FXR1: variants seen among roughly 807,000 people sequenced by gnomAD.
FXR1 encodes FMR1 autosomal homolog 1.
Under a neutral mutation model 84.0 loss-of-function variants are expected in FXR1, and 15 were observed. That is an observed-to-expected ratio of 0.18 (90% confidence interval 0.12 to 0.27). The LOEUF (loss-of-function observed/expected upper bound fraction) is 0.27. FXR1 is among the 10% of genes least tolerant of loss of function. The pLI, the probability that FXR1 is intolerant of heterozygous loss-of-function variation, is 1.00. For missense variants in FXR1, 480 were observed against 774.4 expected (o/e 0.62, Z 4.51); for synonymous variants, 245 against 250.7 (o/e 0.98, Z 0.21).
intron 1 of FXR1, among the ~76,000 whole-genome samples, chr3:180,923,507 A>G (rs1010268145): frequency 2.0e-5 from 3 of 151,708 alleles, no homozygotes; most frequent in African/African-American, 7.3e-5. Flanking sequence ...TCATTTAGTG[A>G]GGCTTTTTTT....
intron 9 of FXR1, among the ~76,000 whole-genome samples, chr3:180,956,466 C>T (rs1483203456): frequency 6.6e-6 from 1 of 152,156 alleles, no homozygotes; most frequent in African/African-American, 2.4e-5. Context: ...GATGGATGAT[C>T]ACTCAAAACT....
intron 3 of FXR1, among the ~76,000 whole-genome samples, chr3:180,937,963 A>G (rs956265480): frequency 2.0e-5 from 3 of 152,134 alleles, no homozygotes; most frequent in African/African-American, 7.2e-5. Context: ...TGTATAAAGG[A>G]CATATTTAAG....
intron 3 of FXR1, among the ~76,000 whole-genome samples, chr3:180,942,377 C>CA (rs765066164): frequency 0.21 from 6,575 of 31,000 alleles, 2,053 homozygotes; most frequent in African/African-American, 0.42. Context: ...GACTCCGTCT[C>CA]AAAAAAAAAA....
rs3026192 is a variant in FXR1 at position 180,937,962 on chromosome 3, G to A, written c.198+2731G>A. 8.6e-3 allele frequency among the ~76,000 whole-genome samples: 1,312 copies of A among 151,960 alleles called. 8 individuals are homozygous for A. Among genetic ancestry groups the A allele is most frequent in the Non-Finnish European group, 0.013 (854 of 67,950 alleles). On this transcript the variant is annotated intron_variant, in intron 3 of 16. Transcript: ENST00000357559. ...AAGTTTTTTATTTGCATGTATAAAG[G>A]ACATATTTAAGTTGAAAAAAAATTG...
At chr3:180,916,499 C>T (rs1235077834) in intron 1 of FXR1, among the ~76,000 whole-genome samples, 2 of 152,136 alleles carry the variant, frequency 1.3e-5, no homozygotes, top group Admixed American at 1.3e-4. Context: ...CCTCCACCTC[C>T]CAGGTTCAAG....
intron 2 of FXR1, among the ~76,000 whole-genome samples, 164 bp from the exon 3 acceptor site, chr3:180,934,974 G>C (rs1424866428): frequency 6.6e-6 from 1 of 152,102 alleles, no homozygotes; most frequent in African/African-American, 2.4e-5. Context: ...TACAAAATCT[G>C]TTCTACTTCA....
intron 15 of FXR1, chr3:180,971,849 T>TATTC (rs1173833439): frequency 2.6e-5 from 4 of 152,640 alleles, no homozygotes; most frequent in African/African-American, 9.7e-5. Flanking sequence ...ATCACATGTA[T>TATTC]ATTCACAATG....
At chr3:180,920,563 G>A (rs544488757) in intron 1 of FXR1, among the ~76,000 whole-genome samples, 3 of 149,984 alleles carry the variant, frequency 2.0e-5, no homozygotes, top group Non-Finnish European at 4.4e-5. Context: ...CCAGGTTGGA[G>A]TGCAGTGGCA....
intron 9 of FXR1, among the ~76,000 whole-genome samples, chr3:180,954,369 TG>T (rs1275369425): frequency 6.6e-6 from 1 of 152,148 alleles, no homozygotes; most frequent in African/African-American, 2.4e-5. Context: ...GATGATAATA[TG>T]AGGGGAGGTT....
At chr3:180,961,361 AAAAAAAG>A (rs1395254313) in intron 10 of FXR1, 100 bp from the exon 11 acceptor site, 97 of 417,518 alleles carry the variant, frequency 2.3e-4, no homozygotes, top group South Asian at 4.8e-4. Flanking sequence ...AAAAAAAAAA[AAAAAAAG>A]GTGTGTGTGT....
chr3:180,940,580 G>GTTTTTTTTTTTTTT (rs746815811), intron 3 of FXR1, among the ~76,000 whole-genome samples: 1 of 146,114 alleles, frequency 6.8e-6, no homozygotes, highest in African/African-American at 2.7e-5. Flanking sequence ...GTTTTTTTCT[G>GTTTTTTTTTTTTTT]TTTTCTTTTT....
Position 180,977,600 on chromosome 3 carries a change from T to C in FXR1, c.*1308T>C, listed in dbSNP as rs989906433. ...CTTAATTTTTATGAAGATAAAGACA[T>C]GAAGTTTAACAATGGACAACAGTTA... On this transcript the variant is annotated 3_prime_UTR_variant, in exon 17 of 17. Transcript: ENST00000357559. 4 of 152,134 alleles carry C rather than the reference T, an allele frequency of 2.6e-5. No homozygotes were observed. Among genetic ancestry groups the C allele is most frequent in the African/African-American group, 9.6e-5 (4 of 41,464 alleles). The allele number at this position is 152,134 out of a possible 1,614,324, so 9.4% of individuals were successfully genotyped here. A position where few individuals can be genotyped will look rare whatever the true frequency, so the allele number is the denominator to read the frequency against.
At position 180,962,865 on chromosome 3, in the gene FXR1, T is replaced by A. The variant is rs200101614; in HGVS notation, c.1078-18T>A. 23 of 1,561,152 alleles carry A rather than the reference T, an allele frequency of 1.5e-5. No individual in the cohort carries two copies. In the African/African-American group the frequency reaches 3.0e-4, roughly 20 times the overall value. On this transcript the variant is annotated intron_variant, in intron 11 of 16. Transcript: ENST00000357559. ...AGTTATATATAAGAAGACTTACTCT[T>A]TTTTGTTTTGATTGTAGGAAGTAGA...
Position 180,948,348 on chromosome 3 carries a change from T to A in FXR1, c.272T>A (p.Phe91Tyr), listed in dbSNP as rs754103071. ...TTAAAGTATTTTGATGTCTTTTAGT[T>A]TTATGTCATTGAATATGCTGCTTGT... ...LAKVRMMKGE[F>Y]YVIEYAACDA... Residue 91 changes from phenylalanine (F) to tyrosine (Y), a missense_variant and splice_region_variant, in exon 5 of 17, where the codon TTT becomes TAT. Physicochemically the swap from Phe to Tyr is conservative, Grantham distance 22 (BLOSUM62 3). This residue lies in a region of FXR1 where 136 missense variants were observed against 315.4 expected (regional missense o/e 0.43). Transcript: ENST00000357559. The A allele has an allele frequency of 1.3e-6, 2 of 1,589,670 alleles. No individual in the cohort carries two copies. Among genetic ancestry groups the A allele is most frequent in the South Asian group, 2.3e-5 (2 of 88,880 alleles).
Position 180,978,836 on chromosome 3 carries a change from A to G in FXR1, c.*2544A>G, listed in dbSNP as rs1176478639. ...CTGAGATTATATGGTGGCAAAAATGACCTGCTTTTCCTGAAGCTTTGGGAG... is the reference window on the plus strand; with the variant it reads ...CTGAGATTATATGGTGGCAAAAATGGCCTGCTTTTCCTGAAGCTTTGGGAG... On this transcript the variant is annotated 3_prime_UTR_variant, in exon 17 of 17. Transcript: ENST00000357559. 6.6e-6 allele frequency: 1 copy of G among 152,096 alleles called. No individual in the cohort carries two copies. The highest frequency in any genetic ancestry group is 6.6e-5 in the Admixed American group (1 of 15,258). The allele number at this position is 152,096 out of a possible 1,614,324, so 9.4% of individuals were successfully genotyped here.
At chr3:180,938,040 C>A (rs1423308908) in intron 3 of FXR1, among the ~76,000 whole-genome samples, 1 of 152,066 alleles carries the variant, frequency 6.6e-6, no homozygotes, top group Non-Finnish European at 1.5e-5. Flanking sequence ...GGACAGCAAA[C>A]ATTTTCGTGT....
chr3:180,946,770 TTAGTTGTTTG>T (rs937883343), intron 3 of FXR1, among the ~76,000 whole-genome samples: 2 of 152,190 alleles, frequency 1.3e-5, no homozygotes, highest in African/African-American at 4.8e-5. Flanking sequence ...GTCTTTGTTT[TTAGTTGTTTG>T]TGTTTATCTC....
At chr3:180,923,006 G>A (rs1429300720) in intron 1 of FXR1, among the ~76,000 whole-genome samples, 1 of 151,954 alleles carries the variant, frequency 6.6e-6, no homozygotes, top group Non-Finnish European at 1.5e-5. Flanking sequence ...AAGGCTTCTG[G>A]GTTTCCAGTC....
intron 1 of FXR1, chr3:180,933,036 T>G (rs1720113519): frequency 1.7e-5 from 5 of 300,786 alleles, no homozygotes; most frequent in Non-Finnish European, 3.0e-5. Flanking sequence ...GAACTCTTAG[T>G]CACAATACTA....
Sources: gnomAD v4.1 joint callset for allele counts (sites outside exome capture counted in the v4.1 genomes callset) on GRCh38, gnomAD v4.1.1 for gene constraint, gnomAD v4.1.1 regional missense constraint, MANE v1.5 for transcripts, NCBI Gene and HGNC (gene_info 2026-07-23, HGNC 2026-07-21) for gene names.